Variants in PTPN2 observed in about 807,000 individuals in gnomAD.
PTPN2 encodes protein tyrosine phosphatase non-receptor type 2, also known as tyrosine-protein phosphatase non-receptor type 2.
PTPN2 carries 19 observed loss-of-function variants against 57.3 expected under a neutral mutation model. The ratio of observed to expected loss-of-function variants is 0.33; its 90% confidence interval spans 0.23 to 0.49. PTPN2 has a LOEUF of 0.49. Ranked by LOEUF, PTPN2 falls within the 20% of genes least tolerant of loss-of-function variation. PTPN2 has a pLI of 0.99. For synonymous variants in PTPN2, 153 were observed against 164.9 expected (o/e 0.93, Z 0.55); for missense variants, 358 against 501.1 (o/e 0.71, Z 2.73).
At chr18:12,834,198 G>A (rs951119927) in intron 3 of PTPN2, among the ~76,000 whole-genome samples, 3 of 151,974 alleles carry the variant, frequency 2.0e-5, no homozygotes, top group African/African-American at 7.3e-5. Context: ...GTGGTGGTGA[G>A]CACCTGTAAT....
intron 3 of PTPN2, among the ~76,000 whole-genome samples, chr18:12,836,491 T>A (rs902897833): frequency 1.3e-5 from 2 of 152,220 alleles, no homozygotes; most frequent in African/African-American, 2.4e-5. Flanking sequence ...CTAAGAAGCA[T>A]AAGCAGCACT....
chr18:12,865,308 A>G (rs1201766007), intron 1 of PTPN2, among the ~76,000 whole-genome samples: 3 of 152,010 alleles, frequency 2.0e-5, no homozygotes, highest in Non-Finnish European at 4.4e-5. Context: ...GGTGGTACAC[A>G]TCTGTGGTCC....
chr18:12,871,021 A>G (rs2044254331), intron 1 of PTPN2, among the ~76,000 whole-genome samples: 2 of 152,146 alleles, frequency 1.3e-5, no homozygotes, highest in Admixed American at 1.3e-4. Flanking sequence ...CTATCCATAT[A>G]TAAGCCAGAC....
chr18:12,870,949 C>A (rs1015556220), intron 1 of PTPN2, among the ~76,000 whole-genome samples: 4 of 152,092 alleles, frequency 2.6e-5, no homozygotes, highest in African/African-American at 9.7e-5. Context: ...ATTCTCCTCT[C>A]CCTCAATCCT....
chr18:12,788,895 G>A (rs1247970913), downstream of PTPN2, among the ~76,000 whole-genome samples: 1 of 152,034 alleles, frequency 6.6e-6, no homozygotes, highest in Admixed American at 6.5e-5. Flanking sequence ...TGCTGCCGAG[G>A]GAAAAATAAC....
intron 7 of PTPN2, among the ~76,000 whole-genome samples, chr18:12,803,487 T>C (rs2041505346): frequency 6.6e-6 from 1 of 152,184 alleles, no homozygotes; most frequent in South Asian, 2.1e-4. Flanking sequence ...CAACTCTATG[T>C]TGCCTACAAG....
At chr18:12,800,002 G>C (rs2041352844) in intron 8 of PTPN2, among the ~76,000 whole-genome samples, 1 of 151,962 alleles carries the variant, frequency 6.6e-6, no homozygotes, top group Non-Finnish European at 1.5e-5. Context: ...CTTTTCTGTT[G>C]GGACTCTCTG....
Position 12,800,778 on chromosome 18 carries a change from T to C in PTPN2, c.1040+1192A>G, listed in dbSNP as rs113571358. On this transcript the variant is annotated intron_variant, in intron 8 of 8. Coordinates refer to ENST00000309660, the MANE Select transcript of PTPN2 (RefSeq NM_002828.4). ...TTGGCAAAAAGAGAAGAAGAAAAGT[T>C]ATTCAGAGATGCAGGAGAGAGGAAA... Among the ~76,000 whole-genome samples, 322 of 152,312 alleles carry C rather than the reference T, an allele frequency of 2.1e-3. 1 individual carries two copies. The highest frequency in any genetic ancestry group is 7.3e-3 in the African/African-American group (305 of 41,568).
chr18:12,808,203 C>T (rs2041757996), intron 7 of PTPN2, among the ~76,000 whole-genome samples: 1 of 152,016 alleles, frequency 6.6e-6, no homozygotes, highest in Non-Finnish European at 1.5e-5. Context: ...AATTTATATA[C>T]ATACACATTT....
At chr18:12,809,975 A>C (rs2041834179) in intron 7 of PTPN2, among the ~76,000 whole-genome samples, 1 of 152,228 alleles carries the variant, frequency 6.6e-6, no homozygotes, top group Non-Finnish European at 1.5e-5. Context: ...TGAGGTCAGG[A>C]GTTTGAGACC....
intron 1 of PTPN2, among the ~76,000 whole-genome samples, chr18:12,881,946 C>T (rs2044679706): frequency 1.3e-5 from 2 of 152,098 alleles, no homozygotes; most frequent in African/African-American, 2.4e-5. Context: ...ATGTTATGAA[C>T]GAATGAATGA....
intron 1 of PTPN2, among the ~76,000 whole-genome samples, chr18:12,874,707 C>G (rs1182424215): frequency 6.6e-6 from 1 of 151,430 alleles, no homozygotes; most frequent in Non-Finnish European, 1.5e-5. Context: ...CTCGCCCGGC[C>G]AGCCGCCCCA....
At chr18:12,861,315 G>A (rs2043801466) in intron 1 of PTPN2, among the ~76,000 whole-genome samples, 2 of 152,180 alleles carry the variant, frequency 1.3e-5, no homozygotes, top group African/African-American at 4.8e-5. Context: ...AAAGTTAATT[G>A]ACTTAATACC....
chr18:12,830,305 G>C (rs1336138947), intron 4 of PTPN2, among the ~76,000 whole-genome samples: 1 of 152,010 alleles, frequency 6.6e-6, no homozygotes, highest in African/African-American at 2.4e-5. Flanking sequence ...GGCTAATTTT[G>C]TATTTTTAGT....
intron 8 of PTPN2, among the ~76,000 whole-genome samples, chr18:12,797,296 G>A (rs1007287675): frequency 6.6e-6 from 1 of 151,542 alleles, no homozygotes; most frequent in Non-Finnish European, 1.5e-5. Context: ...TTTTCATTGC[G>A]GTATAGAAGG....
intron 7 of PTPN2, among the ~76,000 whole-genome samples, chr18:12,805,836 G>GAGA (rs1162623003): frequency 2.0e-5 from 3 of 151,920 alleles, no homozygotes; most frequent in Non-Finnish European, 4.4e-5. Flanking sequence ...CACCATGTTG[G>GAGA]CCAGGGTGGT....
intron 3 of PTPN2, among the ~76,000 whole-genome samples, chr18:12,834,996 C>T (rs1344532626): frequency 6.6e-6 from 1 of 151,998 alleles, no homozygotes; most frequent in Non-Finnish European, 1.5e-5. Context: ...CCCTGTAGAA[C>T]CTGCAGATAC....
At chr18:12,855,193 T>G (rs1015658224) in intron 2 of PTPN2, among the ~76,000 whole-genome samples, 5 of 152,020 alleles carry the variant, frequency 3.3e-5, no homozygotes, top group Non-Finnish European at 7.4e-5. Flanking sequence ...GAAGTGTGCA[T>G]GGTGGGGAGG....
chr18:12,830,338 G>A (rs1365936920), intron 4 of PTPN2, among the ~76,000 whole-genome samples: 1 of 152,076 alleles, frequency 6.6e-6, no homozygotes, highest in African/African-American at 2.4e-5. Context: ...TCACCATGTT[G>A]GCCAGGCTGG....
Sources: allele counts gnomAD v4.1 joint callset (sites outside exome capture counted in the v4.1 genomes callset), GRCh38; gene constraint gnomAD v4.1.1; transcripts MANE v1.5; gene names NCBI Gene and HGNC (gene_info 2026-07-23, HGNC 2026-07-21).